The following FRMD4B variants were observed in gnomAD, a reference collection of about 807,000 sequenced individuals.
FRMD4B encodes FERM domain-containing protein 4B.
In FRMD4B, 74 loss-of-function variants were observed where a neutral mutation model predicts 141.5. The ratio of observed to expected loss-of-function variants is 0.52; its 90% confidence interval spans 0.43 to 0.63. The LOEUF is 0.63. Among genes scored for constraint, FRMD4B ranks in the 30% least tolerant of loss-of-function variants. FRMD4B has a pLI of 0.00. For missense variants in FRMD4B, 1,366 were observed against 1,253.4 expected, an observed-to-expected ratio of 1.09 and a Z score of -1.36; for synonymous variants, 506 against 467.9, an observed-to-expected ratio of 1.08 and a Z score of -1.05.
chr3:69,230,661 T>G (rs574134401), intron 7 of FRMD4B, among the ~76,000 whole-genome samples: 2 of 151,562 alleles, frequency 1.3e-5, no homozygotes, highest in Non-Finnish European at 2.9e-5. Flanking sequence ...GGCAGAAGAA[T>G]CGCTTGAACC....
rs2093553042 is a variant in FRMD4B, at chr3:69,265,223, C to CAGCCT, written c.502-15125_502-15124insAGGCT. Reference sequence around the variant, plus strand: ...TGAGCCGAGATTGCGCCACTGCACTCCAGCCTGGGCAACACAGCGAGACTC... The same window carrying CAGCCT: ...TGAGCCGAGATTGCGCCACTGCACTCAGCCTCAGCCTGGGCAACACAGCGAGACTC... On this transcript the variant is annotated intron_variant, in intron 5 of 22. Coordinates refer to ENST00000398540, the MANE Select transcript of FRMD4B (RefSeq NM_015123.3). 5.1e-5 allele frequency among the ~76,000 whole-genome samples: 6 copies of CAGCCT among 117,218 alleles called. No individual in the cohort carries two copies. In the Admixed American group the frequency reaches 5.4e-4, roughly 10 times the overall value. The allele number at this position is 117,218 out of a possible 152,430, so 76.9% of individuals were successfully genotyped here.
chr3:69,489,165 T>C lies in FRMD4B; in HGVS notation c.-129+53041A>G, dbSNP rs544501539. On this transcript the variant is annotated intron_variant, in intron 1 of 5. Coordinates refer to the FRMD4B transcript ENST00000459638. Reference sequence around the variant, plus strand: ...TAAAAAGAAACTTATATCCAGAATATATAAAGAACTCTTATATCTTAATAC... The same window carrying C: ...TAAAAAGAAACTTATATCCAGAATACATAAAGAACTCTTATATCTTAATAC... 9.2e-5 allele frequency among the ~76,000 whole-genome samples: 14 copies of C among 151,786 alleles called. No homozygotes were observed. The South Asian group carries it at 2.9e-3, about 31-fold the overall frequency.
intron 11 of FRMD4B, 138 bp downstream of exon 11, chr3:69,216,125 G>T: frequency 3.7e-6 from 2 of 545,230 alleles, no homozygotes; most frequent in Non-Finnish European, 6.7e-6. Context: ...CTGCACTCCA[G>T]CTTGGGCGAC....
At chr3:69,263,876 G>A (rs2093544495) in intron 5 of FRMD4B, among the ~76,000 whole-genome samples, 1 of 138,112 alleles carries the variant, frequency 7.2e-6, no homozygotes, top group Admixed American at 7.9e-5. Context: ...CCAGGCTGGA[G>A]GTGCAGTGGT....
chr3:69,257,992 A>ATT (rs564246452), intron 5 of FRMD4B, among the ~76,000 whole-genome samples: 1 of 151,028 alleles, frequency 6.6e-6, no homozygotes. Context: ...ACACCAGGCT[A>ATT]TTTTTTTTTG....
chr3:69,510,798 C>T (rs1182553753), intron 1 of FRMD4B, among the ~76,000 whole-genome samples: 1 of 152,218 alleles, frequency 6.6e-6, no homozygotes, highest in African/African-American at 2.4e-5. Context: ...AACAAGCATT[C>T]TCATGCAGTT....
intron 5 of FRMD4B, 185 bp from the exon 6 acceptor site, chr3:69,250,284 T>TGTGTAC: frequency 2.1e-6 from 1 of 484,188 alleles, no homozygotes; most frequent in Non-Finnish European, 3.6e-6. Flanking sequence ...GAAACCACTG[T>TGTGTAC]GTGTGCGTGT....
At chr3:69,257,087 C>T (rs1477360350) in intron 5 of FRMD4B, among the ~76,000 whole-genome samples, 2 of 152,212 alleles carry the variant, frequency 1.3e-5, no homozygotes, top group African/African-American at 4.8e-5. Flanking sequence ...CATCTGTAGA[C>T]ACCACCAGAT....
chr3:69,356,071 T>A lies in FRMD4B; in HGVS notation c.162+29757A>T, dbSNP rs549116955. Among the ~76,000 whole-genome samples, 109 of 152,286 alleles carry A rather than the reference T, an allele frequency of 7.2e-4. 1 individual carries two copies. The highest frequency in any genetic ancestry group is 2.4e-3 in the African/African-American group (101 of 41,562). On this transcript the variant is annotated intron_variant, in intron 1 of 22. Transcript: ENST00000398540. ...AGGAAACAGGATCCCCGCTTTTCTT[T>A]GGGGACACCATCCAAATAACTGGGG...
intron 1 of FRMD4B, among the ~76,000 whole-genome samples, chr3:69,533,781 C>G (rs2107162045): frequency 6.6e-6 from 1 of 152,314 alleles, no homozygotes; most frequent in Admixed American, 6.5e-5. Flanking sequence ...CCCCCTGCTA[C>G]CATGCCACTG....
chr3:69,501,524 A>G (rs1196880110), intron 1 of FRMD4B, among the ~76,000 whole-genome samples: 1 of 152,186 alleles, frequency 6.6e-6, no homozygotes, highest in Non-Finnish European at 1.5e-5. Context: ...GGTACATTAT[A>G]GTATAAAACA....
intron 2 of FRMD4B, among the ~76,000 whole-genome samples, chr3:69,412,136 A>T (rs185569429): frequency 2.6e-4 from 39 of 152,356 alleles, no homozygotes; most frequent in Middle Eastern, 3.4e-3. Context: ...TTTATCAAAT[A>T]AGGCAGAGAG....
At chr3:69,172,616 A>AAGGT (rs1263810212) in intron 22 of FRMD4B, among the ~76,000 whole-genome samples, 1 of 152,228 alleles carries the variant, frequency 6.6e-6, no homozygotes, top group African/African-American at 2.4e-5. Context: ...ATATATTTAG[A>AAGGT]AGGTGGCAGG....
chr3:69,421,816 G>T (rs150576412), intron 2 of FRMD4B, among the ~76,000 whole-genome samples: 1 of 152,170 alleles, frequency 6.6e-6, no homozygotes, highest in South Asian at 2.1e-4. Flanking sequence ...CCTGGCCTAA[G>T]TGATGTCTAA....
chr3:69,499,897 C>G (rs1706464029), intron 1 of FRMD4B, among the ~76,000 whole-genome samples: 1 of 152,326 alleles, frequency 6.6e-6, no homozygotes, highest in South Asian at 2.1e-4. Flanking sequence ...CTTCCTGTTG[C>G]CCATTGCTGA....
chr3:69,366,351 T>C (rs891380546), intron 1 of FRMD4B, among the ~76,000 whole-genome samples: 2 of 152,180 alleles, frequency 1.3e-5, no homozygotes, highest in African/African-American at 4.8e-5. Context: ...AAATTAATTA[T>C]GGTTCATTCA....
chr3:69,413,173 A>G (rs1334116998), intron 2 of FRMD4B, among the ~76,000 whole-genome samples: 2 of 152,162 alleles, frequency 1.3e-5, no homozygotes, highest in East Asian at 3.8e-4. Context: ...CTAGACTAAC[A>G]CATAAAACTA....
intron 11 of FRMD4B, among the ~76,000 whole-genome samples, chr3:69,210,438 G>A (rs1011023697): frequency 1.3e-5 from 2 of 150,846 alleles, no homozygotes; most frequent in African/African-American, 4.9e-5. Context: ...TTCTTTAAGT[G>A]AAACTTCATC....
chr3:69,385,145 A>G (rs1180898340), intron 1 of FRMD4B, among the ~76,000 whole-genome samples: 2 of 151,942 alleles, frequency 1.3e-5, no homozygotes, highest in Non-Finnish European at 2.9e-5. Context: ...AAGTTGCTGC[A>G]TTTTTTGCCT....
Sources: allele counts gnomAD v4.1 joint callset (sites outside exome capture counted in the v4.1 genomes callset), GRCh38; gene constraint gnomAD v4.1.1; transcripts MANE v1.5; gene names NCBI Gene and HGNC (gene_info 2026-07-23, HGNC 2026-07-21).